Variants in EEFSEC observed in about 807,000 individuals in gnomAD.
The protein encoded by EEFSEC is selenocysteine-specific elongation factor.
A neutral mutation model predicts 42.1 loss-of-function variants in EEFSEC; 43 were observed. The ratio of observed to expected loss-of-function variants is 1.02; its 90% confidence interval spans 0.80 to 1.32. The LOEUF (loss-of-function observed/expected upper bound fraction) is 1.32, where lower values mean the gene tolerates loss of function less well. Among genes scored for constraint, EEFSEC ranks in the 40% most tolerant of loss-of-function variants. The pLI is 0.00. For synonymous variants in EEFSEC, 354 were observed against 339.1 expected, an observed-to-expected ratio of 1.04 and a Z score of -0.48; for missense variants, 745 against 803.6, an observed-to-expected ratio of 0.93 and a Z score of 0.88.
intron 1 of EEFSEC, among the ~76,000 whole-genome samples, chr3:128,189,874 T>C (rs904810871): frequency 6.6e-6 from 1 of 151,922 alleles, no homozygotes; most frequent in African/African-American, 2.4e-5. Flanking sequence ...TTTTGTGTCT[T>C]TTTTTGGAGA....
At chr3:128,153,959 A>T in intron 1 of EEFSEC, 136 bp downstream of exon 1, 1 of 1,298,452 alleles carries the variant, frequency 7.7e-7, no homozygotes, top group African/African-American at 1.6e-5. Context: ...ACGCCCCAAG[A>T]GGCGGACGTG....
At chr3:128,399,156 C>T (rs1385992990) in intron 6 of EEFSEC, among the ~76,000 whole-genome samples, 5 of 152,300 alleles carry the variant, frequency 3.3e-5, no homozygotes, top group East Asian at 1.9e-4. Context: ...TCCCTCCCCA[C>T]GCTCCCCAAT....
intron 4 of EEFSEC, among the ~76,000 whole-genome samples, chr3:128,288,054 A>G (rs1373533587): frequency 6.6e-6 from 1 of 151,712 alleles, no homozygotes; most frequent in Admixed American, 6.6e-5. Context: ...ATTAGTGATA[A>G]TACAGGTACG....
the EEFSEC span, among the ~76,000 whole-genome samples, chr3:128,425,661 G>A: frequency 6.6e-6 from 1 of 152,216 alleles, no homozygotes; most frequent in African/African-American, 2.4e-5. Context: ...GGCCAGGCGC[G>A]GTGCTCCCAG....
At chr3:128,328,805 A>G (rs1279451662) in intron 4 of EEFSEC, among the ~76,000 whole-genome samples, 1 of 152,160 alleles carries the variant, frequency 6.6e-6, no homozygotes, top group Admixed American at 6.5e-5. Context: ...TTTTACAGGG[A>G]TTAACAATGT....
Position 128,153,705 on chromosome 3 carries a change from G to C in EEFSEC, c.198G>C (p.Ser66=), listed in dbSNP as rs1228106072. The C allele has an allele frequency of 6.3e-7, 1 of 1,588,012 alleles. No homozygotes were observed. The highest frequency in any genetic ancestry group is 1.4e-5 in the African/African-American group (1 of 73,554). The change falls in exon 1 of 7, where the codon TCG becomes TCC. Residue 66 remains serine (S), a synonymous_variant. Coordinates refer to ENST00000254730, the MANE Select transcript of EEFSEC (RefSeq NM_021937.5). ...FSVPLPARLR[S]SLPEFQAAPE... is the part of the protein sequence containing the mutation. ...TGCCGCTGCCCGCGCGCCTGCGGTC[G>C]TCTTTGCCCGAGTTCCAGGCAGCGC...
At chr3:128,356,531 G>A (rs1445413335) in intron 5 of EEFSEC, among the ~76,000 whole-genome samples, 1 of 152,212 alleles carries the variant, frequency 6.6e-6, no homozygotes, top group Non-Finnish European at 1.5e-5. Flanking sequence ...GTCAGGAGAG[G>A]ATGGGAGGTC....
At chr3:128,239,576 G>A (rs569903242) in intron 1 of EEFSEC, among the ~76,000 whole-genome samples, 3 of 152,142 alleles carry the variant, frequency 2.0e-5, no homozygotes, top group Non-Finnish European at 4.4e-5. Flanking sequence ...CTGCCACCCC[G>A]TTCCTCCTGC....
intron 2 of EEFSEC, among the ~76,000 whole-genome samples, chr3:128,258,369 C>G (rs541081300): frequency 1.3e-5 from 2 of 152,316 alleles, no homozygotes; most frequent in South Asian, 4.1e-4. Flanking sequence ...CTTTTGGGAC[C>G]AGAGTGCTGA....
intron 4 of EEFSEC, among the ~76,000 whole-genome samples, chr3:128,289,653 A>C (rs1349174885): frequency 6.6e-6 from 1 of 152,210 alleles, no homozygotes; most frequent in African/African-American, 2.4e-5. Context: ...TATGGGTCAA[A>C]CAAAACATGT....
chr3:128,422,962 C>A, the EEFSEC span, among the ~76,000 whole-genome samples: 1 of 152,254 alleles, frequency 6.6e-6, no homozygotes, highest in Non-Finnish European at 1.5e-5. Flanking sequence ...ACCAAGAGGA[C>A]CTTTCCCAGG....
At chr3:128,351,782 A>G (rs1347609315) in intron 5 of EEFSEC, among the ~76,000 whole-genome samples, 1 of 152,244 alleles carries the variant, frequency 6.6e-6, no homozygotes, top group African/African-American at 2.4e-5. Context: ...CCATGTGCAC[A>G]GTGACTGCTC....
intron 1 of EEFSEC, among the ~76,000 whole-genome samples, chr3:128,223,690 A>G (rs1158489565): frequency 6.6e-6 from 1 of 152,234 alleles, no homozygotes; most frequent in East Asian, 1.9e-4. Flanking sequence ...ACAACAACAC[A>G]GAAATGTTGT....
chr3:128,294,911 A>G (rs566081770), intron 4 of EEFSEC, among the ~76,000 whole-genome samples: 39 of 152,306 alleles, frequency 2.6e-4, no homozygotes, highest in African/African-American at 8.9e-4. Flanking sequence ...TGCCATTTTG[A>G]TGAACTATCA....
At chr3:128,164,427 G>T (rs569052810) in intron 1 of EEFSEC, among the ~76,000 whole-genome samples, 1 of 152,300 alleles carries the variant, frequency 6.6e-6, no homozygotes, top group South Asian at 2.1e-4. Flanking sequence ...ACACGGCTGG[G>T]CCTGGAAGGA....
chr3:128,409,598 G>A (rs1254998288), downstream of EEFSEC, among the ~76,000 whole-genome samples: 1 of 152,282 alleles, frequency 6.6e-6, no homozygotes, highest in Non-Finnish European at 1.5e-5. Flanking sequence ...AGTCCCCTGA[G>A]GGGATTGGCC....
intron 1 of EEFSEC, among the ~76,000 whole-genome samples, chr3:128,166,058 G>A (rs1034376217): frequency 1.3e-5 from 2 of 152,214 alleles, no homozygotes; most frequent in African/African-American, 2.4e-5. Flanking sequence ...TGATCCAGGG[G>A]ACATTCAGAG....
intron 5 of EEFSEC, among the ~76,000 whole-genome samples, chr3:128,348,267 TGTGC>T (rs1293476392): frequency 0.016 from 2,220 of 136,850 alleles, 60 homozygotes; most frequent in African/African-American, 0.064. Flanking sequence ...TGTGTGTGTG[TGTGC>T]GTGTGCGTGT....
Position 128,326,320 on chromosome 3 carries a change from T to C in EEFSEC, c.787-14913T>C, listed in dbSNP as rs543024070. Among the ~76,000 whole-genome samples the C allele has an allele frequency of 5.9e-5, 9 of 152,370 alleles. No individual in the cohort carries two copies. The South Asian group carries it at 1.9e-3, about 32-fold the overall frequency. On this transcript the variant is annotated intron_variant, in intron 4 of 6. Transcript: ENST00000254730. The stretch of plus-strand genomic sequence containing the variant: ...GAAGCTTGGATTGCACCTCACACTT[T>C]ACTGCATTGCCCTTTTTATTTTGTG...
Sources: gnomAD v4.1 joint callset for allele counts (sites outside exome capture counted in the v4.1 genomes callset) on GRCh38, gnomAD v4.1.1 for gene constraint, MANE v1.5 for transcripts, NCBI Gene and HGNC (gene_info 2026-07-23, HGNC 2026-07-21) for gene names.